RBFOX1: variants seen among roughly 807,000 people sequenced by gnomAD.
RBFOX1 encodes the protein RNA binding protein fox-1 homolog 1.
A neutral mutation model predicts 57.7 loss-of-function variants in RBFOX1; 8 were observed. The observed-to-expected ratio is 0.14, with a 90% confidence interval of 0.08 to 0.25. The LOEUF (loss-of-function observed/expected upper bound fraction) is 0.25, where lower values mean the gene tolerates loss of function less well. Ranked by LOEUF, RBFOX1 falls within the 10% of genes least tolerant of loss-of-function variation. The pLI is 1.00. For synonymous variants in RBFOX1, 326 were observed against 222.4 expected, an observed-to-expected ratio of 1.47 and a Z score of -4.15; for missense variants, 611 against 548.5, an observed-to-expected ratio of 1.11 and a Z score of -1.14.
intron 1 of RBFOX1, among the ~76,000 whole-genome samples, chr16:6,291,476 T>G (rs2077459408): frequency 1.3e-5 from 2 of 152,190 alleles, no homozygotes; most frequent in South Asian, 4.1e-4. Context: ...AAATAAATCT[T>G]GGGACCTCAA....
At chr16:5,535,784 C>T (rs568422655) in intron 2 of RBFOX1, among the ~76,000 whole-genome samples, 1 of 152,188 alleles carries the variant, frequency 6.6e-6, no homozygotes, top group Admixed American at 6.5e-5. Flanking sequence ...TTGTGCATCT[C>T]TTATGTATGT....
At chr16:5,933,649 G>C (rs1419752240) in intron 4 of RBFOX1, among the ~76,000 whole-genome samples, 1 of 152,162 alleles carries the variant, frequency 6.6e-6, no homozygotes, top group Non-Finnish European at 1.5e-5. Context: ...TAGGGAGTTA[G>C]GCTTTGATTG....
intron 3 of RBFOX1, among the ~76,000 whole-genome samples, chr16:7,043,417 A>G (rs534129644): frequency 3.3e-5 from 5 of 152,196 alleles, no homozygotes; most frequent in Non-Finnish European, 7.3e-5. Context: ...CCCTGAGTAC[A>G]TATGTCAAAT....
At chr16:6,435,155 T>A (rs1289173191) in intron 2 of RBFOX1, among the ~76,000 whole-genome samples, 1 of 152,230 alleles carries the variant, frequency 6.6e-6, no homozygotes, top group East Asian at 1.9e-4. Flanking sequence ...CATCACTTTT[T>A]CGTAGTGAAC....
intron 12 of RBFOX1, among the ~76,000 whole-genome samples, chr16:7,660,091 G>A (rs1289799612): frequency 1.3e-5 from 2 of 152,196 alleles, no homozygotes; most frequent in Middle Eastern, 3.4e-3. Flanking sequence ...ATATACTTGT[G>A]GCTGGTATAT....
At chr16:6,006,509 C>T (rs1376798081) in intron 4 of RBFOX1, among the ~76,000 whole-genome samples, 1 of 152,176 alleles carries the variant, frequency 6.6e-6, no homozygotes, top group Admixed American at 6.5e-5. Context: ...GACCATGACA[C>T]AGAAGAAAGA....
chr16:5,905,628 A>G (rs1178245618), intron 4 of RBFOX1, among the ~76,000 whole-genome samples: 1 of 152,136 alleles, frequency 6.6e-6, no homozygotes, highest in African/African-American at 2.4e-5. Context: ...CTAGGAGGTC[A>G]AGGCTGCAGT....
intron 5 of RBFOX1, among the ~76,000 whole-genome samples, chr16:7,525,800 C>G (rs1467657902): frequency 6.6e-6 from 1 of 152,166 alleles, no homozygotes; most frequent in African/African-American, 2.4e-5. Flanking sequence ...CTTTTGAATG[C>G]TGTTAGAATC....
intron 1 of RBFOX1, among the ~76,000 whole-genome samples, chr16:6,120,184 T>A (rs1312324312): frequency 6.6e-6 from 1 of 152,230 alleles, no homozygotes; most frequent in Non-Finnish European, 1.5e-5. Context: ...ATCCGTTGAT[T>A]AGCATTTGCG....
intron 3 of RBFOX1, among the ~76,000 whole-genome samples, chr16:5,714,585 G>C (rs980283226): frequency 7.2e-5 from 11 of 152,204 alleles, no homozygotes; most frequent in Non-Finnish European, 1.0e-4. Context: ...TGAGGTTGTG[G>C]TGTTTGTTAT....
At chr16:5,504,278 C>T (rs575579946) in intron 2 of RBFOX1, among the ~76,000 whole-genome samples, 15 of 152,350 alleles carry the variant, frequency 9.8e-5, no homozygotes, top group Non-Finnish European at 1.9e-4. Flanking sequence ...AGGCCGCCTC[C>T]CAGGACCCAA....
chr16:6,078,280 G>C (rs1322885946), intron 1 of RBFOX1, among the ~76,000 whole-genome samples: 1 of 152,152 alleles, frequency 6.6e-6, no homozygotes. Flanking sequence ...TGTTGGTTAA[G>C]AGCAAGCCTC....
At chr16:7,145,600 C>T (rs994490151) in intron 4 of RBFOX1, among the ~76,000 whole-genome samples, 4 of 151,992 alleles carry the variant, frequency 2.6e-5, no homozygotes, top group Non-Finnish European at 5.9e-5. Context: ...TGTGTTTTAC[C>T]CCTCTCGGTT....
At chr16:6,238,639 C>T (rs989881142) in intron 1 of RBFOX1, among the ~76,000 whole-genome samples, 14 of 152,098 alleles carry the variant, frequency 9.2e-5, no homozygotes, top group Admixed American at 2.6e-4. Flanking sequence ...AAAATTTGGC[C>T]GCACTCCACA....
At chr16:6,756,002 C>T (rs1004216063) in intron 3 of RBFOX1, among the ~76,000 whole-genome samples, 2 of 152,180 alleles carry the variant, frequency 1.3e-5, no homozygotes, top group Non-Finnish European at 2.9e-5. Flanking sequence ...GTGCCCACTT[C>T]TGCAATCACA....
At chr16:7,533,264 A>T (rs1417519244) in intron 5 of RBFOX1, among the ~76,000 whole-genome samples, 1 of 152,208 alleles carries the variant, frequency 6.6e-6, no homozygotes, top group African/African-American at 2.4e-5. Context: ...CTTTCCATCA[A>T]ACTGGACTTC....
chr16:5,904,363 C>G (rs368698562), intron 4 of RBFOX1, among the ~76,000 whole-genome samples: 19 of 152,220 alleles, frequency 1.2e-4, no homozygotes, highest in African/African-American at 4.1e-4. Context: ...AGAGGCTGCT[C>G]CATCACTTGG....
At chr16:6,122,771 C>T (rs992174734) in intron 1 of RBFOX1, among the ~76,000 whole-genome samples, 5 of 148,910 alleles carry the variant, frequency 3.4e-5, no homozygotes, top group African/African-American at 1.0e-4. Flanking sequence ...TGCTGGGTTG[C>T]GGAATATGAT....
chr16:6,288,885 C>T (rs1344470), intron 1 of RBFOX1, among the ~76,000 whole-genome samples: 24,116 of 152,076 alleles, frequency 0.16, 2,282 homozygotes, highest in Non-Finnish European at 0.2. Context: ...GTGGAACCAA[C>T]AGCGAATTCT....
Sources: gnomAD v4.1 joint callset for allele counts (sites outside exome capture counted in the v4.1 genomes callset) on GRCh38, gnomAD v4.1.1 for gene constraint, MANE v1.5 for transcripts, NCBI Gene and HGNC (gene_info 2026-07-23, HGNC 2026-07-21) for gene names.